Variants in EPB41 observed in about 807,000 individuals in gnomAD.
EPB41 encodes protein 4.1.
In EPB41, 65 loss-of-function variants were observed where a neutral mutation model predicts 108.0. That is an observed-to-expected ratio of 0.60 (90% CI 0.49 to 0.74). The LOEUF is 0.74. Among genes scored for constraint, EPB41 ranks in the 30% least tolerant of loss-of-function variants. The probability of loss-of-function intolerance (pLI) is 0.00; values close to 1 mark genes in which losing one functional copy is unlikely to be tolerated. For missense variants in EPB41, 875 were observed against 1,037.0 expected (o/e 0.84, Z 2.15); for synonymous variants, 336 against 358.9 (o/e 0.94, Z 0.72).
At chr1:29,088,963 T>G (rs563007994) in intron 16 of EPB41, among the ~76,000 whole-genome samples, 22 of 152,234 alleles carry the variant, frequency 1.4e-4, no homozygotes, top group African/African-American at 4.8e-4. Flanking sequence ...AATATATACA[T>G]AAGTAAAATA....
intron 1 of EPB41, among the ~76,000 whole-genome samples, chr1:28,900,997 T>TA (rs1232645863): frequency 6.6e-6 from 1 of 152,112 alleles, no homozygotes; most frequent in Non-Finnish European, 1.5e-5. Context: ...TGGCGAGATC[T>TA]CAGCTCACTG....
intron 1 of EPB41, among the ~76,000 whole-genome samples, chr1:28,940,741 G>C (rs575717414): frequency 2.4e-4 from 36 of 152,264 alleles, no homozygotes; most frequent in African/African-American, 8.4e-4. Context: ...ATTTTGAGGT[G>C]AGTTATCCTA....
intron 17 of EPB41, among the ~76,000 whole-genome samples, chr1:29,100,746 A>C (rs928689096): frequency 6.8e-6 from 1 of 147,134 alleles, no homozygotes; most frequent in Non-Finnish European, 1.5e-5. Flanking sequence ...TTAATATATA[A>C]TTACACATTA....
chr1:29,055,648 C>A (rs1645223182), intron 12 of EPB41, among the ~76,000 whole-genome samples: 1 of 119,574 alleles, frequency 8.4e-6, no homozygotes, highest in Non-Finnish European at 1.7e-5. Context: ...TTATACATAG[C>A]AGTTAGAAAA....
chr1:29,092,404 T>G (rs1661590668), intron 16 of EPB41, among the ~76,000 whole-genome samples: 1 of 152,086 alleles, frequency 6.6e-6, no homozygotes, highest in African/African-American at 2.4e-5. Context: ...GAACACCTTC[T>G]TCCTTTCTTT....
chr1:28,921,961 T>TATATATATATATGC (rs770764638), intron 1 of EPB41, among the ~76,000 whole-genome samples: 3 of 109,920 alleles, frequency 2.7e-5, no homozygotes, highest in Non-Finnish European at 5.1e-5. Flanking sequence ...TATATATATA[T>TATATATATATATGC]ACACTTTTTT....
intron 1 of EPB41, among the ~76,000 whole-genome samples, chr1:28,924,529 C>CA (rs150196434): frequency 0.17 from 25,321 of 147,924 alleles, 2,620 homozygotes; most frequent in East Asian, 0.47. Flanking sequence ...GACTACATCT[C>CA]AAAAAAAAAA....
intron 7 of EPB41, among the ~76,000 whole-genome samples, chr1:29,026,355 CT>C (rs948048232): frequency 1.3e-5 from 2 of 152,098 alleles, no homozygotes; most frequent in African/African-American, 2.4e-5. Context: ...TCAATGTGAA[CT>C]TGTGGTTTCC....
chr1:29,016,239 G>A (rs549680699), intron 6 of EPB41, among the ~76,000 whole-genome samples: 129 of 152,070 alleles, frequency 8.5e-4, no homozygotes, highest in Non-Finnish European at 1.4e-3. Context: ...GCAATGGCAC[G>A]ATCCTGGCTC....
rs147119026 is a variant in EPB41, at chr1:29,066,217, G to A, written c.2184+1059G>A. ...GGGCGGATCATGAGGTCAGGAGTTC[G>A]AGACCAGCCTGGCCAGCATGGTGAA... On this transcript the variant is annotated intron_variant, in intron 16 of 20. Coordinates refer to ENST00000343067, the MANE Select transcript of EPB41 (RefSeq NM_001376013.1). Among the ~76,000 whole-genome samples, 847 of 151,512 alleles carry A rather than the reference G, an allele frequency of 5.6e-3. 25 individuals are homozygous for A. The highest frequency in any genetic ancestry group is 0.042 in the Admixed American group (632 of 15,210).
intron 16 of EPB41, among the ~76,000 whole-genome samples, chr1:29,084,792 A>G (rs1658120307): frequency 6.6e-6 from 1 of 152,210 alleles, no homozygotes; most frequent in South Asian, 2.1e-4. Context: ...TATTTATGAA[A>G]TAGCCTCATA....
intron 4 of EPB41, among the ~76,000 whole-genome samples, chr1:29,000,456 T>C (rs1266914317): frequency 6.6e-6 from 1 of 152,268 alleles, no homozygotes; most frequent in Non-Finnish European, 1.5e-5. Context: ...CACCTATATA[T>C]TTATGTGTAA....
intron 1 of EPB41, chr1:28,902,320 G>A (rs2147922511): frequency 1.0e-6 from 1 of 985,422 alleles, no homozygotes; most frequent in Non-Finnish European, 1.2e-6. Context: ...TCTGGAGCCC[G>A]AGCTTTGCAG....
chr1:28,909,701 G>A (rs1220329825), upstream of EPB41, among the ~76,000 whole-genome samples: 1 of 152,080 alleles, frequency 6.6e-6, no homozygotes, highest in African/African-American at 2.4e-5. Flanking sequence ...TCAGGAGGCT[G>A]AGGAGGCAGG....
intron 16 of EPB41, chr1:29,068,608 T>G: frequency 2.0e-6 from 1 of 510,792 alleles, no homozygotes; most frequent in Non-Finnish European, 3.0e-6. Flanking sequence ...CTTTCTGGCA[T>G]ATCTTACTTT....
chr1:29,047,518 T>G (rs1265825504), intron 11 of EPB41, among the ~76,000 whole-genome samples: 1 of 151,132 alleles, frequency 6.6e-6, no homozygotes, highest in Non-Finnish European at 1.5e-5. Flanking sequence ...CTTCTCAAAG[T>G]GCTGGGATTA....
chr1:29,006,295 G>T (rs2096400093), intron 4 of EPB41, among the ~76,000 whole-genome samples: 1 of 143,926 alleles, frequency 6.9e-6, no homozygotes, highest in Non-Finnish European at 1.5e-5. Context: ...GGAGTGCAGT[G>T]GCTTGATCTT....
chr1:29,058,800 T>C lies in EPB41; in HGVS notation c.1903-11T>C, dbSNP rs1646001640. 3.9e-6 allele frequency: 6 copies of C among 1,544,066 alleles called. No homozygotes were observed. In the South Asian group the frequency reaches 7.3e-5, roughly 19 times the overall value. ...TCATTTTTCTTTCTTTTTTAAATTA[T>C]GGCAAAACAGAAGCTTGCAGAAAAA... On this transcript the variant is annotated splice_polypyrimidine_tract_variant and intron_variant, in intron 13 of 20. Transcript: ENST00000343067.
At chr1:28,952,686 A>G (rs2094781772) in intron 1 of EPB41, among the ~76,000 whole-genome samples, 1 of 152,192 alleles carries the variant, frequency 6.6e-6, no homozygotes, top group Non-Finnish European at 1.5e-5. Flanking sequence ...AACCACAATG[A>G]TGGTGTTAGG....
Sources: allele counts gnomAD v4.1 joint callset (sites outside exome capture counted in the v4.1 genomes callset), GRCh38; gene constraint gnomAD v4.1.1; transcripts MANE v1.5; gene names NCBI Gene and HGNC (gene_info 2026-07-23, HGNC 2026-07-21).